LRP1B: variants seen among roughly 807,000 people sequenced by gnomAD.
The protein encoded by LRP1B is LDL receptor related protein 1B, also known as low-density lipoprotein receptor-related protein 1B.
In LRP1B, 217 loss-of-function variants were observed where a neutral mutation model predicts 556.6. The observed-to-expected ratio is 0.39, with a 90% CI of 0.35 to 0.44. LRP1B has a LOEUF of 0.44. Among genes scored for constraint, LRP1B ranks in the 20% least tolerant of loss-of-function variants. The pLI is 1.00. For missense variants in LRP1B, 5,053 were observed against 5,620.8 expected (o/e 0.90, Z 3.23); for synonymous variants, 2,047 against 1,865.8 (o/e 1.10, Z -2.50).
intron 3 of LRP1B, among the ~76,000 whole-genome samples, chr2:141,341,767 T>A (rs1052574780): frequency 1.3e-5 from 2 of 152,170 alleles, no homozygotes; most frequent in Admixed American, 1.3e-4. Context: ...TCTACTGCCA[T>A]TTTTAAAAGA....
chr2:141,611,174 A>T (rs1688097657), intron 2 of LRP1B, among the ~76,000 whole-genome samples: 1 of 152,236 alleles, frequency 6.6e-6, no homozygotes, highest in Admixed American at 6.5e-5. Context: ...GGTTTCCCAT[A>T]GTTAAAGGAG....
At chr2:142,063,233 G>A (rs1559050191) in intron 1 of LRP1B, among the ~76,000 whole-genome samples, 1 of 151,490 alleles carries the variant, frequency 6.6e-6, no homozygotes. Flanking sequence ...CTAATTTAGA[G>A]TAATTAATCA....
chr2:140,940,364 A>G (rs893684247), intron 20 of LRP1B, among the ~76,000 whole-genome samples: 14 of 152,166 alleles, frequency 9.2e-5, no homozygotes, highest in African/African-American at 3.4e-4. Context: ...CAGATGAATT[A>G]AACTGTCAAC....
intron 27 of LRP1B, among the ~76,000 whole-genome samples, chr2:140,856,738 TACACACACACACACACACAC>T (rs57220779): frequency 0.13 from 18,640 of 148,422 alleles, 1,199 homozygotes; most frequent in African/African-American, 0.15. Context: ...CTAAGAGAGA[TACACACACACACACACACAC>T]ACACACACAC....
intron 85 of LRP1B, among the ~76,000 whole-genome samples, chr2:140,271,550 G>C (rs1316959215): frequency 6.6e-6 from 1 of 151,878 alleles, no homozygotes; most frequent in African/African-American, 2.4e-5. Context: ...TACTGGAAAT[G>C]CCCTCAACTG....
intron 1 of LRP1B, among the ~76,000 whole-genome samples, chr2:141,913,958 G>A (rs1699969308): frequency 6.6e-6 from 1 of 152,116 alleles, no homozygotes; most frequent in Non-Finnish European, 1.5e-5. Context: ...GTGTTAGCCA[G>A]GATGGTCTCG....
At chr2:140,454,661 A>G (rs775464135) in intron 62 of LRP1B, among the ~76,000 whole-genome samples, 1 of 152,172 alleles carries the variant, frequency 6.6e-6, no homozygotes, top group East Asian at 1.9e-4. Flanking sequence ...CCAAATTGGG[A>G]AATAATTTTA....
chr2:141,999,907 G>C (rs1466026809), intron 1 of LRP1B, among the ~76,000 whole-genome samples: 1 of 151,320 alleles, frequency 6.6e-6, no homozygotes, highest in Non-Finnish European at 1.5e-5. Context: ...CGTCGACCTT[G>C]TGTCCATTTT....
chr2:141,362,319 T>C (rs1688854154), intron 3 of LRP1B, among the ~76,000 whole-genome samples: 1 of 152,320 alleles, frequency 6.6e-6, no homozygotes, highest in South Asian at 2.1e-4. Flanking sequence ...TACACTTTGG[T>C]TGGTAATGAT....
chr2:140,702,682 T>G (rs1686693091), intron 37 of LRP1B, 129 bp from the exon 38 acceptor site: 2 of 793,750 alleles, frequency 2.5e-6, no homozygotes, highest in African/African-American at 3.5e-5. Flanking sequence ...TTTCGGAAGT[T>G]AATATACAGT....
intron 77 of LRP1B, among the ~76,000 whole-genome samples, chr2:140,345,809 CATATATATACATATATACAT>C (rs1681638102): frequency 1.5e-5 from 2 of 137,766 alleles, no homozygotes; most frequent in East Asian, 2.0e-4. Context: ...CATATATACA[CATATATATACATATATACAT>C]ATATATATAC....
chr2:141,591,819 G>T (rs1233417462), intron 2 of LRP1B, among the ~76,000 whole-genome samples: 7 of 152,066 alleles, frequency 4.6e-5, no homozygotes, highest in Admixed American at 4.6e-4. Context: ...TTCTATAGGA[G>T]CATTTGGGAC....
chr2:141,138,572 A>AAC (rs1701546853), intron 7 of LRP1B, among the ~76,000 whole-genome samples: 1 of 151,774 alleles, frequency 6.6e-6, no homozygotes, highest in Non-Finnish European at 1.5e-5. Context: ...ATGCAATATA[A>AAC]ATGTCATTTT....
rs70994427 is a variant in LRP1B at position 141,474,000 on chromosome 2, ATTCCTTCC to A, written c.343+6388_343+6395del. On this transcript the variant is annotated intron_variant, in intron 3 of 90. Coordinates refer to ENST00000389484, the MANE Select transcript of LRP1B (RefSeq NM_018557.3). ...TTTTCTTCTTCAGTAGCTTTACTAA[ATTCCTTCC>A]TTCCTTCCTTCCTTCCTTCCTTCCT... Among the ~76,000 whole-genome samples, 637 of 130,416 alleles carry A rather than the reference ATTCCTTCC, an allele frequency of 4.9e-3. 6 individuals are homozygous for A. The highest frequency in any genetic ancestry group is 0.011 in the Admixed American group (142 of 12,554). The allele number at this position is 130,416 out of a possible 152,430, so 85.6% of individuals were successfully genotyped here.
intron 37 of LRP1B, among the ~76,000 whole-genome samples, chr2:140,711,525 T>C (rs1353175285): frequency 6.6e-6 from 1 of 152,076 alleles, no homozygotes; most frequent in African/African-American, 2.4e-5. Context: ...CTTTGATCTA[T>C]AACCTTTTTT....
intron 83 of LRP1B, among the ~76,000 whole-genome samples, chr2:140,312,423 C>T (rs1011009771): frequency 6.6e-6 from 1 of 151,776 alleles, no homozygotes; most frequent in Non-Finnish European, 1.5e-5. Context: ...AAATAACAGA[C>T]CTATAGCAGT....
At chr2:141,425,672 G>A (rs1283577395) in intron 3 of LRP1B, among the ~76,000 whole-genome samples, 1 of 151,142 alleles carries the variant, frequency 6.6e-6, no homozygotes, top group East Asian at 1.9e-4. Context: ...GATGGCCAGT[G>A]ATGATGAGCA....
At chr2:140,252,062 CAAAAAAAA>C in intron 86 of LRP1B, among the ~76,000 whole-genome samples, 64 of 18,562 alleles carry the variant, frequency 3.4e-3, no homozygotes, top group African/African-American at 0.012. Context: ...TGACAAGATG[CAAAAAAAA>C]AAAAAAAAAA....
At chr2:141,510,895 CACACACACACACA>C (rs1434667078) in intron 2 of LRP1B, among the ~76,000 whole-genome samples, 1 of 30,434 alleles carries the variant, frequency 3.3e-5, no homozygotes, top group African/African-American at 9.0e-5. Context: ...CACACACACA[CACACACACACACA>C]CCCCACACAA....
Sources: gnomAD v4.1 joint callset for allele counts (sites outside exome capture counted in the v4.1 genomes callset) on GRCh38, gnomAD v4.1.1 for gene constraint, MANE v1.5 for transcripts, NCBI Gene and HGNC (gene_info 2026-07-23, HGNC 2026-07-21) for gene names.